The following KCNQ1 variants were observed in gnomAD, a reference collection of about 807,000 sequenced individuals.
The protein encoded by KCNQ1 is potassium voltage-gated channel subfamily KQT member 1.
A neutral mutation model predicts 72.4 loss-of-function variants in KCNQ1; 49 were observed. That is an observed-to-expected ratio of 0.68 (90% CI 0.54 to 0.86). The LOEUF (loss-of-function observed/expected upper bound fraction) is 0.86. Among genes scored for constraint, KCNQ1 ranks in the 40% least tolerant of loss-of-function variants. The pLI is 0.00. For synonymous variants in KCNQ1, 450 were observed against 412.6 expected, an observed-to-expected ratio of 1.09 and a Z score of -1.10; for missense variants, 790 against 945.1, an observed-to-expected ratio of 0.84 and a Z score of 2.15.
rs1278955265 is a variant in KCNQ1, at chr11:2,673,402, C to T, written c.1514+11321C>T. 2 of 398,570 alleles carry T rather than the reference C, an allele frequency of 5.0e-6. No individual in the cohort carries two copies. Among genetic ancestry groups the T allele is most frequent in the Admixed American group, 8.8e-5 (2 of 22,722 alleles). The allele number at this position is 398,570 out of a possible 1,614,324, so 24.7% of individuals were successfully genotyped here. ...TCCCCTTGGCCTTTGTTTAGCCCAC[C>T]TTCTGCCTAGGCACCAGGCCTGGAG... is the stretch of plus-strand genomic sequence containing the variant. On this transcript the variant is annotated intron_variant, in intron 11 of 15. Coordinates refer to ENST00000155840, the MANE Select transcript of KCNQ1 (RefSeq NM_000218.3). This position sits in a 1 kb window ranked among gnomAD's most constrained non-coding sequence, Gnocchi z 4.5.
In KCNQ1 at chr11:2,483,044, A is replaced by G. The variant is rs1846678464; in HGVS notation, c.386+37560A>G. On this transcript the variant is annotated intron_variant, in intron 1 of 15. Coordinates refer to ENST00000155840, the MANE Select transcript of KCNQ1 (RefSeq NM_000218.3). The surrounding 1 kb of genome is among the most constrained non-coding windows in gnomAD (Gnocchi z 6.1). The stretch of plus-strand genomic sequence containing the variant: ...TGCCTTTTGTGGAGGGGAGTCGGAC[A>G]CAGATGGGATTTCAGCAGAGACCTG... Among the ~76,000 whole-genome samples the G allele has an allele frequency of 6.6e-6, 1 of 152,148 alleles. No homozygotes were observed. Among genetic ancestry groups the G allele is most frequent in the African/African-American group, 2.4e-5 (1 of 41,442 alleles).
In KCNQ1 at chr11:2,663,592, C is replaced by G. The variant is rs1341698419; in HGVS notation, c.1514+1511C>G. The G allele has an allele frequency of 5.0e-6, 2 of 398,498 alleles. No individual in the cohort carries two copies. Among genetic ancestry groups the G allele is most frequent in the African/African-American group, 4.1e-5 (2 of 48,618 alleles). 24.7% of individuals were successfully genotyped at this position (398,498 alleles called of 1,614,324 possible). A position where few individuals can be genotyped will look rare whatever the true frequency, so the allele number is the denominator to read the frequency against. Reference sequence around the variant, plus strand: ...TGCTTCTCCTGTTGGAGCTCTCGCTCACCTTGGTTCTCTTGGTCACGGACC... The same window carrying G: ...TGCTTCTCCTGTTGGAGCTCTCGCTGACCTTGGTTCTCTTGGTCACGGACC... On this transcript the variant is annotated intron_variant, in intron 11 of 15. Coordinates refer to ENST00000155840, the MANE Select transcript of KCNQ1 (RefSeq NM_000218.3). This position sits in a 1 kb window ranked among gnomAD's most constrained non-coding sequence, Gnocchi z 5.2.
rs980329583 is a variant in KCNQ1, at chr11:2,827,947, G to A, written c.1795-19820G>A. 6.6e-6 allele frequency among the ~76,000 whole-genome samples: 1 copy of A among 152,336 alleles called. No homozygotes were observed. Among genetic ancestry groups the A allele is most frequent in the African/African-American group, 2.4e-5 (1 of 41,574 alleles). The stretch of plus-strand genomic sequence containing the variant: ...GTCAGGGGCCGGGAACCCTATGGTG[G>A]TGTTGGCCCTGAGTCCAAGCCAGGC... On this transcript the variant is annotated intron_variant, in intron 15 of 15. Coordinates refer to ENST00000155840, the MANE Select transcript of KCNQ1 (RefSeq NM_000218.3). This position sits in a 1 kb window ranked among gnomAD's most constrained non-coding sequence, Gnocchi z 6.7.
Position 2,508,267 on chromosome 11 carries a change from A to G in KCNQ1, c.387-19661A>G, listed in dbSNP as rs576867940. Among the ~76,000 whole-genome samples the G allele has an allele frequency of 6.6e-6, 1 of 152,118 alleles. No homozygotes were observed. The highest frequency in any genetic ancestry group is 1.5e-5 in the Non-Finnish European group (1 of 68,016). ...CAAGGGTCTTTGGGCTCCTGTGGGG[A>G]CCATACTGGCTTGTCTGACTTGCCG... On this transcript the variant is annotated intron_variant, in intron 1 of 15. Coordinates refer to ENST00000155840, the MANE Select transcript of KCNQ1 (RefSeq NM_000218.3). The surrounding 1 kb of genome is among the most constrained non-coding windows in gnomAD (Gnocchi z 6.2).
intron 1 of KCNQ1, among the ~76,000 whole-genome samples, chr11:2,523,589 G>A (rs538861529): frequency 5.9e-5 from 9 of 152,306 alleles, no homozygotes; most frequent in East Asian, 1.9e-4. Context: ...TCGAAAAGCC[G>A]TGATGGCAGA....
intron 11 of KCNQ1, among the ~76,000 whole-genome samples, chr11:2,717,295 G>A (rs1165076807): frequency 6.6e-6 from 1 of 152,192 alleles, no homozygotes; most frequent in Non-Finnish European, 1.5e-5. Context: ...ATGTCAGCTT[G>A]AGGGTTACCC....
intron 2 of KCNQ1, among the ~76,000 whole-genome samples, chr11:2,530,467 C>T (rs1001699824): frequency 7.9e-5 from 12 of 152,358 alleles, no homozygotes; most frequent in East Asian, 1.9e-4. Flanking sequence ...GTGAGAGCCG[C>T]GCTGCCAAAC....
rs1327772710 is a variant in KCNQ1 at position 2,592,387 on chromosome 11, A to G, written c.1393+3533A>G. On this transcript the variant is annotated intron_variant, in intron 10 of 15. Coordinates refer to ENST00000155840, the MANE Select transcript of KCNQ1 (RefSeq NM_000218.3). The surrounding 1 kb of genome is among the most constrained non-coding windows in gnomAD (Gnocchi z 5.2). ...CCCCCATGGTAGCATCAGAACACAG[A>G]CTAACCTGCAGCAAAAATGGGCTGT... Among the ~76,000 whole-genome samples, 1 of 152,098 alleles carries G rather than the reference A, an allele frequency of 6.6e-6. No homozygotes were observed. Among genetic ancestry groups the G allele is most frequent in the African/African-American group, 2.4e-5 (1 of 41,416 alleles).
chr11:2,557,204 G>A (rs1052143760), intron 2 of KCNQ1, among the ~76,000 whole-genome samples: 1 of 152,208 alleles, frequency 6.6e-6, no homozygotes, highest in Non-Finnish European at 1.5e-5. Flanking sequence ...CAACACTGAA[G>A]CCCAAACAAG....
At chr11:2,814,212 G>T (rs571927470) in intron 15 of KCNQ1, among the ~76,000 whole-genome samples, 1 of 148,994 alleles carries the variant, frequency 6.7e-6, no homozygotes, top group African/African-American at 2.5e-5. Context: ...ATGCATGAAT[G>T]GATAGAGGTG....
intron 15 of KCNQ1, among the ~76,000 whole-genome samples, chr11:2,795,635 C>T (rs1038232708): frequency 1.3e-5 from 2 of 152,238 alleles, no homozygotes; most frequent in Non-Finnish European, 2.9e-5. Flanking sequence ...ATCAGAAGCC[C>T]GCCCCTAATT....
In KCNQ1 at chr11:2,683,544, T is replaced by C. The variant is rs2133883454; in HGVS notation, c.1514+21463T>C. 5.0e-6 allele frequency: 2 copies of C among 398,510 alleles called. No individual in the cohort carries two copies. The highest frequency in any genetic ancestry group is 3.6e-5 in the East Asian group (1 of 28,080). The allele number at this position is 398,510 out of a possible 1,614,324, so 24.7% of individuals were successfully genotyped here. A position where few individuals can be genotyped will look rare whatever the true frequency, so the allele number is the denominator to read the frequency against. On this transcript the variant is annotated intron_variant, in intron 11 of 15. Coordinates refer to ENST00000155840, the MANE Select transcript of KCNQ1 (RefSeq NM_000218.3). The surrounding 1 kb of genome is among the most constrained non-coding windows in gnomAD (Gnocchi z 4.7). ...AGAGTAAACATTTCTAAAAAAGAGG[T>C]AGAAGCCCCTACCTACTGACTGGCA... is the stretch of plus-strand genomic sequence containing the variant.
intron 10 of KCNQ1, chr11:2,630,824 C>T: frequency 2.5e-6 from 1 of 398,460 alleles, no homozygotes; most frequent in Non-Finnish European, 4.4e-6. Context: ...GTATCTGTTT[C>T]ATATCTGAAG....
At position 2,764,976 on chromosome 11, in the gene KCNQ1, T is replaced by C. The variant is rs1667461725; in HGVS notation, c.1515-3868T>C. Among the ~76,000 whole-genome samples the C allele has an allele frequency of 6.6e-6, 1 of 152,198 alleles. No individual in the cohort carries two copies. The highest frequency in any genetic ancestry group is 2.1e-4 in the South Asian group (1 of 4,832). ...CTTTGTTGATTTTCCTTAAATAATG[T>C]TCATTTTTTATCTCATAGACTGTGC... On this transcript the variant is annotated intron_variant, in intron 11 of 15. Transcript: ENST00000155840. The surrounding 1 kb of genome is among the most constrained non-coding windows in gnomAD (Gnocchi z 4.8).
At chr11:2,743,162 G>A (rs920629304) in intron 11 of KCNQ1, among the ~76,000 whole-genome samples, 13 of 152,188 alleles carry the variant, frequency 8.5e-5, no homozygotes, top group Non-Finnish European at 1.6e-4. Context: ...GTTTGAGAGG[G>A]AAGGGGCATT....
chr11:2,448,468 A>G (rs1253607480), intron 1 of KCNQ1, among the ~76,000 whole-genome samples: 1 of 152,236 alleles, frequency 6.6e-6, no homozygotes, highest in Non-Finnish European at 1.5e-5. Flanking sequence ...AGACAAGGCC[A>G]TGCAGAGCCA....
chr11:2,760,572 C>T (rs1846377320), intron 11 of KCNQ1, among the ~76,000 whole-genome samples: 1 of 152,168 alleles, frequency 6.6e-6, no homozygotes. Context: ...TCCATCCGCC[C>T]TTCAGTAGGT....
Position 2,588,710 on chromosome 11 carries a change from T to C in KCNQ1, c.1252-3T>C. On this transcript the variant is annotated splice_region_variant and splice_polypyrimidine_tract_variant and intron_variant, in intron 9 of 15. Transcript: ENST00000155840. The surrounding 1 kb of genome is among the most constrained non-coding windows in gnomAD (Gnocchi z 5.6). ...CGCTAATCTGTTGTCTTGTTTTTTT[T>C]AGGTAAAGAAAAAAAAGTTCAAGCT... 1.2e-6 allele frequency: 2 copies of C among 1,613,224 alleles called. No homozygotes were observed. Among genetic ancestry groups the C allele is most frequent in the Non-Finnish European group, 1.7e-6 (2 of 1,179,904 alleles).
chr11:2,503,230 G>T (rs1287310786), intron 1 of KCNQ1, among the ~76,000 whole-genome samples: 1 of 152,058 alleles, frequency 6.6e-6, no homozygotes, highest in Non-Finnish European at 1.5e-5. Context: ...GAAACAATGA[G>T]ACAGCCTGCA....
Sources: allele counts gnomAD v4.1 joint callset (sites outside exome capture counted in the v4.1 genomes callset), GRCh38; gene constraint gnomAD v4.1.1; non-coding constraint Gnocchi (gnomAD v3.1); transcripts MANE v1.5; gene names NCBI Gene and HGNC (gene_info 2026-07-23, HGNC 2026-07-21).